Variants in CORO7 observed in about 807,000 individuals in gnomAD.
CORO7 encodes coronin 7.
In CORO7, 107 loss-of-function variants were observed where a neutral mutation model predicts 126.6. That is an observed-to-expected ratio of 0.85 (90% CI 0.72 to 0.99). The LOEUF is 0.99. CORO7 is among the 50% of genes least tolerant of loss of function. The pLI is 0.00. For synonymous variants in CORO7, 603 were observed against 536.8 expected, an observed-to-expected ratio of 1.12 and a Z score of -1.70; for missense variants, 1,314 against 1,255.8, an observed-to-expected ratio of 1.05 and a Z score of -0.70.
chr16:4,389,309 G>A (rs538393593), intron 7 of CORO7, among the ~76,000 whole-genome samples: 1 of 152,284 alleles, frequency 6.6e-6, no homozygotes, highest in South Asian at 2.1e-4. Context: ...ATGGTGGGTG[G>A]GGCCCTGTCC....
chr16:4,377,763 C>T (rs1053528126), intron 9 of CORO7, among the ~76,000 whole-genome samples: 1 of 152,326 alleles, frequency 6.6e-6, no homozygotes, highest in Non-Finnish European at 1.5e-5. Flanking sequence ...CCAGCGCTGC[C>T]TCCTCCCTCC....
chr16:4,407,318 C>A (rs942788096), intron 5 of CORO7, among the ~76,000 whole-genome samples, 183 bp downstream of exon 5: 6 of 151,614 alleles, frequency 4.0e-5, no homozygotes, highest in Non-Finnish European at 7.4e-5. Context: ...CTGATGGCTA[C>A]GGAGAGCAAA....
rs546688487 is a variant in CORO7 at position 4,384,605 on chromosome 16, G to A, written c.785+3381C>T. Among the ~76,000 whole-genome samples the A allele has an allele frequency of 3.9e-5, 6 of 152,328 alleles. No homozygotes were observed. In the South Asian group the frequency reaches 8.3e-4, roughly 21 times the overall value. ...AGACCCAGGGAGCAGGCCCCGTGGCGCGGGTGTTGATGTCAGTGCCGAGTC... is the reference window on the plus strand; with the variant it reads ...AGACCCAGGGAGCAGGCCCCGTGGCACGGGTGTTGATGTCAGTGCCGAGTC... On this transcript the variant is annotated intron_variant, in intron 9 of 27. Coordinates refer to ENST00000251166, the MANE Select transcript of CORO7 (RefSeq NM_024535.5).
chr16:4,388,206 G>A, intron 8 of CORO7, 138 bp from the exon 9 acceptor site: 1 of 1,077,376 alleles, frequency 9.3e-7, no homozygotes, highest in East Asian at 2.6e-5. Context: ...GTGGGGGTGG[G>A]AGTCACCCCA....
intron 18 of CORO7, 37 bp downstream of exon 18, chr16:4,361,125 A>G (rs2054164440): frequency 1.2e-6 from 2 of 1,613,260 alleles, no homozygotes; most frequent in Non-Finnish European, 8.5e-7. Context: ...CTTGGGAGAC[A>G]CTGGCCACCC....
chr16:4,371,656 C>G (rs572818643), intron 9 of CORO7, among the ~76,000 whole-genome samples: 1 of 152,254 alleles, frequency 6.6e-6, no homozygotes, highest in African/African-American at 2.4e-5. Flanking sequence ...AAACCCACGA[C>G]GGGCAAGGTC....
intron 9 of CORO7, among the ~76,000 whole-genome samples, chr16:4,366,204 C>G (rs1264422223): frequency 1.3e-5 from 2 of 152,216 alleles, no homozygotes; most frequent in African/African-American, 4.8e-5. Flanking sequence ...CCTGCTGCCC[C>G]GGCCGAGCCT....
chr16:4,376,149 G>A (rs2141229023), intron 9 of CORO7, among the ~76,000 whole-genome samples: 1 of 152,294 alleles, frequency 6.6e-6, no homozygotes, highest in East Asian at 1.9e-4. Flanking sequence ...AGCCCTCTCT[G>A]CCCCTTCTGT....
chr16:4,416,474 C>G lies in CORO7; in HGVS notation c.45G>C (p.Arg15=), dbSNP rs1381151109. ...RVSKFRHTEA[R]PPRRESWISD... is the part of the protein sequence containing the mutation. Reference sequence around the variant, plus strand: ...CCGGACTCACCTCGCGGCGGGGCGGCCGAGCCTCGGTGTGCCGGAACTTGG... The same window carrying G: ...CCGGACTCACCTCGCGGCGGGGCGGGCGAGCCTCGGTGTGCCGGAACTTGG... The change falls in exon 1 of 28, where the codon CGG becomes CGC. Residue 15 remains arginine, a synonymous_variant. Coordinates refer to ENST00000251166, the MANE Select transcript of CORO7 (RefSeq NM_024535.5). 1 of 1,577,040 alleles carries G rather than the reference C, an allele frequency of 6.3e-7. No individual in the cohort carries two copies. The highest frequency in any genetic ancestry group is 8.6e-7 in the Non-Finnish European group (1 of 1,165,292).
chr16:4,408,043 A>G lies in CORO7; in HGVS notation c.303+138T>C, dbSNP rs909045133. ...AGCCAGTGTGGGACCAGGAATTCAG[A>G]CCAGCCCCGCAGCCCTGGGGAGTGG... On this transcript the variant is annotated intron_variant, in intron 4 of 27. Coordinates refer to ENST00000251166, the MANE Select transcript of CORO7 (RefSeq NM_024535.5). The G allele has an allele frequency of 1.6e-5, 21 of 1,327,226 alleles. No individual in the cohort carries two copies. In the African/African-American group the frequency reaches 2.0e-4, roughly 13 times the overall value. The allele number at this position is 1,327,226 out of a possible 1,614,324, so 82.2% of individuals were successfully genotyped here.
chr16:4,364,449 G>C, intron 13 of CORO7, 36 bp from the exon 14 acceptor site: 1 of 1,485,618 alleles, frequency 6.7e-7, no homozygotes, highest in Non-Finnish European at 8.9e-7. Flanking sequence ...ATGGGGGCAT[G>C]GGCTGCCCGG....
chr16:4,360,375 C>T lies in CORO7; in HGVS notation c.2023-12G>A, dbSNP rs1427741069. On this transcript the variant is annotated splice_polypyrimidine_tract_variant and intron_variant, in intron 20 of 27. Transcript: ENST00000251166. Reference sequence around the variant, plus strand: ...GGCCCTGGGCCTTCCTGTTGAGATACATCGCGTGACACCCAGCCAGCACCC... The same window carrying T: ...GGCCCTGGGCCTTCCTGTTGAGATATATCGCGTGACACCCAGCCAGCACCC... 4 of 1,613,512 alleles carry T rather than the reference C, an allele frequency of 2.5e-6. No homozygotes were observed. The East Asian group carries it at 6.7e-5, about 27-fold the overall frequency.
At chr16:4,390,538 T>C (rs1477169049) in intron 7 of CORO7, among the ~76,000 whole-genome samples, 2 of 151,448 alleles carry the variant, frequency 1.3e-5, no homozygotes, top group Non-Finnish European at 2.9e-5. Context: ...CTGCAAAGAG[T>C]TGGAAACTGG....
chr16:4,375,656 T>A (rs1157782635), intron 9 of CORO7, among the ~76,000 whole-genome samples: 1 of 152,104 alleles, frequency 6.6e-6, no homozygotes, highest in Non-Finnish European at 1.5e-5. Context: ...CCTGGCTAAT[T>A]TTTTTGTATT....
chr16:4,407,580 G>A lies in CORO7; in HGVS notation c.408C>T (p.Pro136=), dbSNP rs369850939. The part of the protein sequence containing the change: ...DLPVEVLQFH[P]TSDGILVSAA... ...CGCTCACCAGAATGCCGTCAGAGGT[G>A]GGGTGGAACTGCAGTACCTCCACTG... is the stretch of plus-strand genomic sequence containing the variant. Residue 136 remains proline (P), a synonymous_variant, in exon 5 of 28, where the codon CCC becomes CCT. Coordinates refer to ENST00000251166, the MANE Select transcript of CORO7 (RefSeq NM_024535.5). 19 of 1,590,558 alleles carry A rather than the reference G, an allele frequency of 1.2e-5. No homozygotes were observed. The highest frequency in any genetic ancestry group is 2.3e-5 in the East Asian group (1 of 43,708).
intron 16 of CORO7, 199 bp from the exon 17 acceptor site, chr16:4,361,668 G>A: frequency 1.2e-6 from 1 of 804,334 alleles, no homozygotes; most frequent in South Asian, 1.5e-5. Flanking sequence ...GAGAGTGAGG[G>A]GGCAGCAGCG....
chr16:4,398,389 C>T (rs147231088), intron 6 of CORO7, among the ~76,000 whole-genome samples: 1,587 of 152,154 alleles, frequency 0.01, 31 homozygotes, highest in African/African-American at 0.037. Context: ...TCAGGCCGGG[C>T]GCGGTGGCTC....
chr16:4,360,449 G>T lies in CORO7; in HGVS notation c.2017C>A (p.Leu673Met). 6.2e-7 allele frequency: 1 copy of T among 1,612,754 alleles called. No homozygotes were observed. ...VYRPRSGPEP[L>M]QEGPGPKGGR... is the part of the protein sequence containing the mutation. ...CCCAGCCCCTGTGTGCTCACCTGCAGGGGCTCAGGGCCACTCCGGGGCCTG... is the reference window on the plus strand; with the variant it reads ...CCCAGCCCCTGTGTGCTCACCTGCATGGGCTCAGGGCCACTCCGGGGCCTG... Residue 673 changes from leucine to methionine, a missense_variant, in exon 20 of 28, where the codon CTG becomes ATG. Coordinates refer to ENST00000251166, the MANE Select transcript of CORO7 (RefSeq NM_024535.5).
chr16:4,374,159 C>T (rs555431682), intron 9 of CORO7, among the ~76,000 whole-genome samples: 3 of 128,692 alleles, frequency 2.3e-5, no homozygotes, highest in Non-Finnish European at 3.2e-5. Flanking sequence ...TGTCTGTGTG[C>T]GCGTGACTGG....
Sources: gnomAD v4.1 joint callset for allele counts (sites outside exome capture counted in the v4.1 genomes callset) on GRCh38, gnomAD v4.1.1 for gene constraint, MANE v1.5 for transcripts, NCBI Gene and HGNC (gene_info 2026-07-23, HGNC 2026-07-21) for gene names.